CRACR2A: variants seen among roughly 807,000 people sequenced by gnomAD.
The protein encoded by CRACR2A is calcium release activated channel regulator 2A, also known as EF-hand calcium-binding domain-containing protein 4B.
A neutral mutation model predicts 90.5 loss-of-function variants in CRACR2A; 79 were observed. The ratio of observed to expected loss-of-function variants is 0.87; its 90% CI spans 0.73 to 1.05. The LOEUF is 1.05. Ranked by LOEUF, CRACR2A falls within the 50% of genes least tolerant of loss-of-function variation. The pLI is 0.00. For missense variants in CRACR2A, 823 were observed against 897.2 expected (o/e 0.92, Z 1.06); for synonymous variants, 338 against 356.7 (o/e 0.95, Z 0.59).
Position 3,706,323 on chromosome 12 carries a change from A to G in CRACR2A, c.-37+6914T>C, listed in dbSNP as rs149592986. On this transcript the variant is annotated intron_variant, in intron 3 of 19. Coordinates refer to ENST00000440314, the MANE Select transcript of CRACR2A (RefSeq NM_001144958.2). ...TCTCTCCACCCCCGTGCAGGAGGAA[A>G]GCACTTGGCACAGGAGCCAAACCCA... Among the ~76,000 whole-genome samples, 392 of 152,346 alleles carry G rather than the reference A, an allele frequency of 2.6e-3. 2 individuals are homozygous for G. Among genetic ancestry groups the G allele is most frequent in the African/African-American group, 8.9e-3 (370 of 41,582 alleles).
intron 2 of CRACR2A, among the ~76,000 whole-genome samples, chr12:3,723,070 T>C (rs1016202663): frequency 1.3e-5 from 2 of 152,210 alleles, no homozygotes; most frequent in Non-Finnish European, 2.9e-5. Context: ...ATGACCATTG[T>C]AACTAAACAA....
intron 11 of CRACR2A, among the ~76,000 whole-genome samples, chr12:3,646,026 T>C (rs1203449693): frequency 1.3e-5 from 2 of 150,784 alleles, no homozygotes; most frequent in East Asian, 3.9e-4. Flanking sequence ...GTATGGGGAG[T>C]ACATCCACCG....
chr12:3,751,652 G>C (rs1946705740), intron 1 of CRACR2A, among the ~76,000 whole-genome samples: 2 of 152,096 alleles, frequency 1.3e-5, no homozygotes, highest in Non-Finnish European at 1.5e-5. Context: ...TCCTATTCAA[G>C]GCCCGGCCTC....
chr12:3,735,326 G>T (rs968623159), intron 1 of CRACR2A, among the ~76,000 whole-genome samples: 5 of 152,202 alleles, frequency 3.3e-5, no homozygotes, highest in Non-Finnish European at 5.9e-5. Context: ...GCCTGTGTGG[G>T]CACAAAGAAG....
intron 1 of CRACR2A, among the ~76,000 whole-genome samples, chr12:3,736,947 G>A (rs1461372196): frequency 6.6e-6 from 1 of 152,182 alleles, no homozygotes; most frequent in African/African-American, 2.4e-5. Context: ...TCTCCAATAA[G>A]CAACAGCTAT....
chr12:3,692,998 C>A (rs1945675096), intron 4 of CRACR2A, among the ~76,000 whole-genome samples: 1 of 152,084 alleles, frequency 6.6e-6, no homozygotes, highest in South Asian at 2.1e-4. Flanking sequence ...GGCTCTGTGC[C>A]CCCCAACGCT....
chr12:3,633,800 C>T lies in CRACR2A; in HGVS notation c.1603-64G>A. The T allele has an allele frequency of 6.5e-6, 10 of 1,545,652 alleles. No individual in the cohort carries two copies. The highest frequency in any genetic ancestry group is 1.2e-5 in the South Asian group (1 of 83,736). ...GTCTTGCCAGCCCCTGCCCCTGCCA[C>T]CAGAGGCCCTTTACCCATCCCTACA... On this transcript the variant is annotated intron_variant, in intron 14 of 19. Coordinates refer to ENST00000440314, the MANE Select transcript of CRACR2A (RefSeq NM_001144958.2). This position sits in a 1 kb window ranked among gnomAD's most constrained non-coding sequence, Gnocchi z 4.5.
chr12:3,721,494 T>TC (rs1323651648), intron 2 of CRACR2A, among the ~76,000 whole-genome samples: 1 of 151,138 alleles, frequency 6.6e-6, no homozygotes, highest in Non-Finnish European at 1.5e-5. Context: ...CTTGGGAGGC[T>TC]CTCTTGAACC....
intron 3 of CRACR2A, among the ~76,000 whole-genome samples, chr12:3,710,841 A>C (rs962735621): frequency 3.9e-5 from 6 of 151,940 alleles, no homozygotes; most frequent in African/African-American, 1.4e-4. Context: ...GACGTTTACT[A>C]GGTCCTCTTT....
intron 9 of CRACR2A, 59 bp downstream of exon 9, chr12:3,656,252 G>T: frequency 6.5e-7 from 1 of 1,535,388 alleles, no homozygotes; most frequent in Non-Finnish European, 9.0e-7. Flanking sequence ...GTGGGCAAGA[G>T]GCAGAGAAAA....
intron 1 of CRACR2A, among the ~76,000 whole-genome samples, chr12:3,740,957 G>C (rs558969958): frequency 2.4e-4 from 37 of 152,298 alleles, no homozygotes; most frequent in East Asian, 7.7e-4. Context: ...TGAGTTGACA[G>C]CTGTCTGACC....
At chr12:3,699,025 G>A (rs1045102703) in intron 3 of CRACR2A, among the ~76,000 whole-genome samples, 1 of 152,136 alleles carries the variant, frequency 6.6e-6, no homozygotes. Flanking sequence ...CTCTTGCCAG[G>A]CCCCTAGCAT....
At chr12:3,745,837 AGAG>A (rs1946617106) in intron 1 of CRACR2A, among the ~76,000 whole-genome samples, 1 of 145,194 alleles carries the variant, frequency 6.9e-6, no homozygotes, top group Non-Finnish European at 1.5e-5. Context: ...AAGAAAGAAA[AGAG>A]AAGAGAAAAG....
Position 3,735,085 on chromosome 12 carries a change from T to A in CRACR2A, c.-386-1875A>T, listed in dbSNP as rs950852816. Among the ~76,000 whole-genome samples, 3 of 82,872 alleles carry A rather than the reference T, an allele frequency of 3.6e-5. No individual in the cohort carries two copies. In the East Asian group the frequency reaches 1.1e-3, roughly 31 times the overall value. 54.4% of individuals were successfully genotyped at this position (82,872 alleles called of 152,430 possible). A position where few individuals can be genotyped will look rare whatever the true frequency, so the allele number is the denominator to read the frequency against. On this transcript the variant is annotated intron_variant, in intron 1 of 19. Transcript: ENST00000440314. ...GTATTAACTAACTTTATAAAAAAAA[T>A]TTTCTCTTTGAATTCTATGTTAACC...
chr12:3,655,202 G>A (rs1441969128), intron 9 of CRACR2A, among the ~76,000 whole-genome samples: 1 of 152,212 alleles, frequency 6.6e-6, no homozygotes, highest in African/African-American at 2.4e-5. Flanking sequence ...AATCAGGCAA[G>A]CATGCAGTAA....
chr12:3,619,293 C>T lies in CRACR2A; in HGVS notation c.2012G>A (p.Gly671Asp). 1 of 1,551,582 alleles carries T rather than the reference C, an allele frequency of 6.4e-7. No individual in the cohort carries two copies. Among genetic ancestry groups the T allele is most frequent in the Non-Finnish European group, 8.7e-7 (1 of 1,146,908 alleles). ...DNEKEREVPR[G>D]LGEQLATENN... ...TACCGTGGCAAGCTGCTCTCCGAGG[C>T]CCCGGGGGACTTCCCGCTCCTTCTC... is the stretch of plus-strand genomic sequence containing the variant. The change falls in exon 18 of 20, where the codon GGC becomes GAC. Residue 671 changes from glycine to aspartate, a missense_variant. Transcript: ENST00000440314.
intron 10 of CRACR2A, among the ~76,000 whole-genome samples, chr12:3,651,826 C>T (rs1342910891): frequency 6.6e-6 from 1 of 152,168 alleles, no homozygotes; most frequent in Non-Finnish European, 1.5e-5. Context: ...CACTACACCT[C>T]TCTGAGCCTC....
chr12:3,682,386 A>G (rs1157685516), intron 4 of CRACR2A, among the ~76,000 whole-genome samples: 3 of 152,178 alleles, frequency 2.0e-5, no homozygotes, highest in African/African-American at 7.2e-5. Flanking sequence ...TTCACAGCTC[A>G]CCTTAGGCAC....
chr12:3,751,734 A>G (rs1946707391), intron 1 of CRACR2A, among the ~76,000 whole-genome samples: 1 of 151,776 alleles, frequency 6.6e-6, no homozygotes, highest in African/African-American at 2.4e-5. Flanking sequence ...AACTCCCTCT[A>G]CACACTTTAT....
Sources: gnomAD v4.1 joint callset for allele counts (sites outside exome capture counted in the v4.1 genomes callset) on GRCh38, gnomAD v4.1.1 for gene constraint, Gnocchi (gnomAD v3.1) non-coding constraint, MANE v1.5 for transcripts, NCBI Gene and HGNC (gene_info 2026-07-23, HGNC 2026-07-21) for gene names.